The following BRD10 variants were observed in gnomAD, a reference collection of about 807,000 sequenced individuals.
BRD10 encodes the protein bromodomain containing 10, also known as uncharacterized bromodomain-containing protein 10.
chr9:5,952,676 T>C, the BRD10 span, among the ~76,000 whole-genome samples: 3 of 152,188 alleles, frequency 2.0e-5, no homozygotes, highest in Non-Finnish European at 2.9e-5. Context: ...AAGATGGGTA[T>C]AGAGGAAATA....
chr9:5,889,018 C>A, the BRD10 span, among the ~76,000 whole-genome samples: 8 of 152,114 alleles, frequency 5.3e-5, no homozygotes, highest in Non-Finnish European at 1.2e-4. Context: ...CAAACTTGCA[C>A]CGAAAAAAGG....
At chr9:6,002,980 TG>T in the BRD10 span, among the ~76,000 whole-genome samples, 1 of 152,194 alleles carries the variant, frequency 6.6e-6, no homozygotes, top group African/African-American at 2.4e-5. Flanking sequence ...CTGCCACACT[TG>T]GCAAAGTATG....
the BRD10 span, chr9:5,967,928 ACT>A: frequency 2.6e-6 from 2 of 771,310 alleles, no homozygotes; most frequent in South Asian, 3.8e-5. Flanking sequence ...TGTGCATTTT[ACT>A]CTCTCAATCA....
the BRD10 span, chr9:6,008,412 C>T: frequency 6.8e-6 from 4 of 590,516 alleles, no homozygotes; most frequent in Non-Finnish European, 8.5e-6. Context: ...GGCACTCAGC[C>T]CCCCGGCTGG....
the BRD10 span, among the ~76,000 whole-genome samples, chr9:5,917,567 C>G: frequency 4.6e-5 from 7 of 152,338 alleles, no homozygotes; most frequent in South Asian, 1.4e-3. Context: ...GGTGCAGTGG[C>G]TCACACCTAT....
At chr9:5,947,173 A>C in the BRD10 span, among the ~76,000 whole-genome samples, 35 of 152,290 alleles carry the variant, frequency 2.3e-4, no homozygotes, top group African/African-American at 7.9e-4. Context: ...GGCTGTATCT[A>C]GTTAGTAAAC....
At chr9:5,976,819 T>C in the BRD10 span, among the ~76,000 whole-genome samples, 1 of 150,560 alleles carries the variant, frequency 6.6e-6, no homozygotes, top group Non-Finnish European at 1.5e-5. Context: ...AGTGCATACA[T>C]GACTAACATC....
chr9:5,926,239 A>G, the BRD10 span, among the ~76,000 whole-genome samples: 1 of 151,956 alleles, frequency 6.6e-6, no homozygotes, highest in African/African-American at 2.4e-5. Context: ...TATTTTTGCT[A>G]TACATTCTTA....
chr9:5,987,804 G>A, the BRD10 span, among the ~76,000 whole-genome samples: 3 of 152,046 alleles, frequency 2.0e-5, no homozygotes. Flanking sequence ...TTACCTCTCT[G>A]GGCCCTGGTT....
the BRD10 span, chr9:6,008,013 A>G: frequency 2.2e-5 from 27 of 1,233,418 alleles, no homozygotes; most frequent in Non-Finnish European, 2.7e-5. Context: ...AGAAGAGGAG[A>G]GCCTAGGTGC....
chr9:5,919,788 G>A, the BRD10 span: 2 of 1,613,840 alleles, frequency 1.2e-6, no homozygotes, highest in South Asian at 1.1e-5. Context: ...GAGAGAGATG[G>A]AGAGAGTGAA....
At chr9:5,941,284 G>A in the BRD10 span, among the ~76,000 whole-genome samples, 3 of 151,950 alleles carry the variant, frequency 2.0e-5, no homozygotes, top group Non-Finnish European at 4.4e-5. Context: ...CATTAAAACA[G>A]GTATTTTTTA....
At chr9:5,898,630 G>A in the BRD10 span, among the ~76,000 whole-genome samples, 1 of 152,178 alleles carries the variant, frequency 6.6e-6, no homozygotes, top group Non-Finnish European at 1.5e-5. Flanking sequence ...AGGGGAAGGG[G>A]TTTGAGGTTC....
At chr9:5,930,597 A>C in the BRD10 span, among the ~76,000 whole-genome samples, 1 of 152,052 alleles carries the variant, frequency 6.6e-6, no homozygotes, top group Admixed American at 6.5e-5. Flanking sequence ...ATATATGTGC[A>C]TGTGCACGTA....
chr9:5,978,988 G>T, the BRD10 span, among the ~76,000 whole-genome samples: 1 of 152,294 alleles, frequency 6.6e-6, no homozygotes, highest in East Asian at 1.9e-4. Flanking sequence ...CAAAATGTAA[G>T]AAAGCTATTT....
At chr9:5,989,529 T>C in the BRD10 span, among the ~76,000 whole-genome samples, 2 of 150,498 alleles carry the variant, frequency 1.3e-5, no homozygotes, top group East Asian at 3.9e-4. Flanking sequence ...TAAAGGTTCA[T>C]TAAAATGTAA....
the BRD10 span, among the ~76,000 whole-genome samples, chr9:5,971,977 A>G: frequency 0.16 from 23,713 of 152,238 alleles, 1,994 homozygotes; most frequent in Middle Eastern, 0.24. Context: ...TATTGCCCAA[A>G]TTCACATTTC....
chr9:5,948,444 T>G, the BRD10 span, among the ~76,000 whole-genome samples: 5 of 152,018 alleles, frequency 3.3e-5, no homozygotes, highest in Non-Finnish European at 7.4e-5. Context: ...GGTCCTCTCT[T>G]CAACTCAACA....
At chr9:6,007,916 T>G in the BRD10 span, 1 of 1,336,562 alleles carries the variant, frequency 7.5e-7, no homozygotes, top group Non-Finnish European at 9.5e-7. Flanking sequence ...CTGGCTCTCC[T>G]CAGCCGCCGG....
Sources: gnomAD v4.1 joint callset for allele counts (sites outside exome capture counted in the v4.1 genomes callset) on GRCh38, gnomAD v4.1.1 for gene constraint, MANE v1.5 for transcripts, NCBI Gene and HGNC (gene_info 2026-07-23, HGNC 2026-07-21) for gene names.